Variants in ARHGEF7 observed in about 807,000 individuals in gnomAD.
ARHGEF7 encodes Rho guanine nucleotide exchange factor 7.
A neutral mutation model predicts 109.8 loss-of-function variants in ARHGEF7; 33 were observed. The ratio of observed to expected loss-of-function variants is 0.30; its 90% CI spans 0.23 to 0.40. The LOEUF is 0.40. ARHGEF7 is among the 10% of genes least tolerant of loss of function. The pLI is 1.00. For missense variants in ARHGEF7, 938 were observed against 1,098.5 expected (o/e 0.85, Z 2.07); for synonymous variants, 458 against 424.6 (o/e 1.08, Z -0.97).
At chr13:111,191,905 A>T (rs1335621951) in intron 2 of ARHGEF7, among the ~76,000 whole-genome samples, 1 of 152,198 alleles carries the variant, frequency 6.6e-6, no homozygotes, top group Non-Finnish European at 1.5e-5. Context: ...GAGCTGTAGT[A>T]TATAGCCCTA....
chr13:111,236,177 G>A (rs116844855), intron 6 of ARHGEF7, among the ~76,000 whole-genome samples: 7 of 152,256 alleles, frequency 4.6e-5, no homozygotes, highest in Non-Finnish European at 1.0e-4. Flanking sequence ...GGACTCCTGT[G>A]GTGCAATTAG....
chr13:111,134,746 C>G (rs1096481), intron 1 of ARHGEF7, among the ~76,000 whole-genome samples: 39,378 of 151,820 alleles, frequency 0.26, 5,210 homozygotes, highest in Middle Eastern at 0.33. Context: ...TGTAGGTTGC[C>G]TGTTCACTCT....
At chr13:111,261,897 T>C (rs926745425) in intron 8 of ARHGEF7, among the ~76,000 whole-genome samples, 1 of 152,090 alleles carries the variant, frequency 6.6e-6, no homozygotes, top group Non-Finnish European at 1.5e-5. Context: ...TTAAGAAAAT[T>C]TAAAAATTTC....
chr13:111,300,666 G>A (rs2093544313), intron 19 of ARHGEF7, 82 bp from the exon 20 acceptor site: 2 of 913,042 alleles, frequency 2.2e-6, no homozygotes, highest in Non-Finnish European at 3.3e-6. Flanking sequence ...ATATTTAAGT[G>A]ACATGGTATA....
chr13:111,265,470 A>G (rs1385072408), intron 8 of ARHGEF7: 3 of 422,794 alleles, frequency 7.1e-6, no homozygotes, highest in Non-Finnish European at 1.4e-5. Flanking sequence ...TCTCCTGACT[A>G]TGACTTTCTC....
At chr13:111,290,851 C>G (rs966948597) in intron 18 of ARHGEF7, among the ~76,000 whole-genome samples, 1 of 152,116 alleles carries the variant, frequency 6.6e-6, no homozygotes, top group Non-Finnish European at 1.5e-5. Flanking sequence ...AGAAATTGCT[C>G]GCTTGTGCTG....
At chr13:111,222,967 TTTAG>T (rs1346332438) in intron 5 of ARHGEF7, among the ~76,000 whole-genome samples, 30 of 152,358 alleles carry the variant, frequency 2.0e-4, no homozygotes, top group African/African-American at 7.0e-4. Flanking sequence ...TTCACATAAC[TTTAG>T]TTATAGTATA....
At chr13:111,129,647 G>T (rs1180799353) in intron 1 of ARHGEF7, among the ~76,000 whole-genome samples, 1 of 152,214 alleles carries the variant, frequency 6.6e-6, no homozygotes, top group Admixed American at 6.5e-5. Flanking sequence ...CATTAGGGAA[G>T]TGGAAATGAA....
At chr13:111,173,802 C>T (rs2077829759) in intron 2 of ARHGEF7, among the ~76,000 whole-genome samples, 2 of 151,408 alleles carry the variant, frequency 1.3e-5, no homozygotes, top group South Asian at 2.1e-4. Flanking sequence ...GTTGGGAGGT[C>T]AGGGGGTGGG....
chr13:111,265,056 G>A (rs1351407348), intron 8 of ARHGEF7, among the ~76,000 whole-genome samples: 5 of 150,256 alleles, frequency 3.3e-5, no homozygotes, highest in Admixed American at 6.6e-5. Flanking sequence ...CCGGGAAGGC[G>A]GAGGTTGCAG....
chr13:111,132,529 G>A (rs1013317215), intron 1 of ARHGEF7, among the ~76,000 whole-genome samples: 1 of 152,192 alleles, frequency 6.6e-6, no homozygotes, highest in African/African-American at 2.4e-5. Flanking sequence ...GAAAGTTCAG[G>A]TGCATGTTGA....
Position 111,285,371 on chromosome 13 carries a change from T to A in ARHGEF7, c.1951-776T>A, listed in dbSNP as rs9588393. Among the ~76,000 whole-genome samples, 1,403 of 152,358 alleles carry A rather than the reference T, an allele frequency of 9.2e-3. 20 individuals are homozygous for A. Among genetic ancestry groups the A allele is most frequent in the African/African-American group, 0.032 (1,342 of 41,570 alleles). ...CTCGCGTTTAGCATTCGTGATGGTT[T>A]ATGTCGTTGGGGTGATGCAGAAACC... On this transcript the variant is annotated intron_variant, in intron 16 of 21. Coordinates refer to ENST00000646102, the MANE Select transcript of ARHGEF7 (RefSeq NM_001354046.2).
At chr13:111,257,225 T>C (rs1018663616) in intron 8 of ARHGEF7, among the ~76,000 whole-genome samples, 1 of 152,234 alleles carries the variant, frequency 6.6e-6, no homozygotes, top group Non-Finnish European at 1.5e-5. Context: ...ACTTAATCCT[T>C]CAGTCCCAGT....
intron 19 of ARHGEF7, among the ~76,000 whole-genome samples, chr13:111,299,365 C>T (rs536019571): frequency 1.1e-4 from 12 of 109,264 alleles, no homozygotes; most frequent in East Asian, 3.4e-4. Flanking sequence ...TTTTTTGAGA[C>T]GGAGTCTCGC....
intron 2 of ARHGEF7, among the ~76,000 whole-genome samples, chr13:111,184,429 T>A (rs1192219072): frequency 6.6e-6 from 1 of 152,186 alleles, no homozygotes; most frequent in Non-Finnish European, 1.5e-5. Flanking sequence ...TTGAGGCTTT[T>A]CTTCTGTACC....
At chr13:111,205,247 A>G (rs771636292) in intron 2 of ARHGEF7, 42 bp from the exon 3 acceptor site, 12 of 1,521,624 alleles carry the variant, frequency 7.9e-6, no homozygotes, top group African/African-American at 1.4e-5. Context: ...TGCACCCAAC[A>G]TAAGACTCTA....
At chr13:111,279,233 A>C (rs1033489862) in intron 13 of ARHGEF7, among the ~76,000 whole-genome samples, 5 of 152,164 alleles carry the variant, frequency 3.3e-5, no homozygotes, top group Non-Finnish European at 5.9e-5. Flanking sequence ...AGAAGTGTCC[A>C]GCAGTCTCCT....
At chr13:111,260,906 C>T (rs2091020407) in intron 8 of ARHGEF7, among the ~76,000 whole-genome samples, 1 of 152,148 alleles carries the variant, frequency 6.6e-6, no homozygotes, top group Non-Finnish European at 1.5e-5. Flanking sequence ...ACATTGTTTA[C>T]ACAATCAATG....
chr13:111,115,984 C>T (rs1433979911), intron 1 of ARHGEF7, among the ~76,000 whole-genome samples: 1 of 151,952 alleles, frequency 6.6e-6, no homozygotes, highest in Non-Finnish European at 1.5e-5. Flanking sequence ...TTCTGCGCCG[C>T]CCGAACGCTA....
Sources: allele counts gnomAD v4.1 joint callset (sites outside exome capture counted in the v4.1 genomes callset), GRCh38; gene constraint gnomAD v4.1.1; transcripts MANE v1.5; gene names NCBI Gene and HGNC (gene_info 2026-07-23, HGNC 2026-07-21).